KIF2C: variants seen among roughly 807,000 people sequenced by gnomAD.
The protein encoded by KIF2C is kinesin family member 2C.
KIF2C carries 34 observed loss-of-function variants against 97.4 expected under a neutral mutation model. The ratio of observed to expected loss-of-function variants is 0.35; its 90% CI spans 0.27 to 0.46. The LOEUF is 0.46. KIF2C is among the 20% of genes least tolerant of loss of function. The pLI is 1.00. For synonymous variants in KIF2C, 313 were observed against 318.2 expected (o/e 0.98, Z 0.17); for missense variants, 750 against 907.6 (o/e 0.83, Z 2.23).
chr1:44,741,020 A>C lies in KIF2C; in HGVS notation c.165+13A>C. ...AAAGGGCAAAGAGGTAGGTTCTATG[A>C]GAATTCCTCTACCACATTTAATGTC... On this transcript the variant is annotated intron_variant, in intron 2 of 20. Transcript: ENST00000372224. The C allele has an allele frequency of 6.3e-7, 1 of 1,583,176 alleles. No individual in the cohort carries two copies. Among genetic ancestry groups the C allele is most frequent in the Non-Finnish European group, 8.7e-7 (1 of 1,152,244 alleles).
At chr1:44,765,207 T>G (rs548984020) in intron 19 of KIF2C, among the ~76,000 whole-genome samples, 121 of 152,132 alleles carry the variant, frequency 8.0e-4, no homozygotes, top group African/African-American at 2.5e-3. Flanking sequence ...GAAGATCACT[T>G]GAGCTCAGGA....
intron 2 of KIF2C, among the ~76,000 whole-genome samples, chr1:44,744,086 T>TG (rs1041633103): frequency 7.6e-5 from 10 of 131,540 alleles, no homozygotes; most frequent in Admixed American, 7.8e-5. Context: ...TGGTTTTTTT[T>TG]TTTGTTTGTT....
At chr1:44,765,773 C>T (rs916386701) in intron 19 of KIF2C, among the ~76,000 whole-genome samples, 6 of 151,714 alleles carry the variant, frequency 4.0e-5, no homozygotes, top group Non-Finnish European at 8.8e-5. Context: ...ATCATTTGAC[C>T]GGGCGTGATG....
intron 2 of KIF2C, chr1:44,746,319 C>G: frequency 1.0e-6 from 1 of 985,664 alleles, no homozygotes; most frequent in Non-Finnish European, 1.2e-6. Context: ...TTGAGTTGTT[C>G]CTGGAGAATT....
chr1:44,752,941 C>T (rs1649604531), intron 5 of KIF2C, among the ~76,000 whole-genome samples, 191 bp from the exon 6 acceptor site: 1 of 152,184 alleles, frequency 6.6e-6, no homozygotes, highest in African/African-American at 2.4e-5. Context: ...TATTTTGACC[C>T]CAGGAGCCAG....
At chr1:44,765,027 G>A (rs746147821) in intron 19 of KIF2C, among the ~76,000 whole-genome samples, 34 of 152,152 alleles carry the variant, frequency 2.2e-4, no homozygotes, top group Non-Finnish European at 4.3e-4. Context: ...GGCTGAGGCA[G>A]GAGAATCACT....
chr1:44,760,388 T>A lies in KIF2C; in HGVS notation c.1476T>A (p.Asp492Glu). The A allele has an allele frequency of 6.2e-7, 1 of 1,614,242 alleles. No homozygotes were observed. The highest frequency in any genetic ancestry group is 8.5e-7 in the Non-Finnish European group (1 of 1,180,046). The change falls in exon 15 of 21, where the codon GAT becomes GAA. Residue 492 changes from aspartate (D) to glutamate (E), a missense_variant. Coordinates refer to ENST00000372224, the MANE Select transcript of KIF2C (RefSeq NM_006845.4). This position sits in a 1 kb window ranked among gnomAD's most constrained non-coding sequence, Gnocchi z 4.2. ...GRMHGKFSLV[D>E]LAGNERGADT... ...TGCATGGCAAGTTCTCTTTGGTAGATCTGGCAGGGAATGAGCGAGGCGCGG... is the reference window on the plus strand; with the variant it reads ...TGCATGGCAAGTTCTCTTTGGTAGAACTGGCAGGGAATGAGCGAGGCGCGG...
At position 44,767,464 on chromosome 1, in the gene KIF2C, A is replaced by T. The variant is rs964761493; in HGVS notation, c.*285A>T. Reference sequence around the variant, plus strand: ...ATCAAGGGGAATGTTCTCAGCATAGAGCTTTCTCCGCAGCATCCTGCCTGC... The same window carrying T: ...ATCAAGGGGAATGTTCTCAGCATAGTGCTTTCTCCGCAGCATCCTGCCTGC... On this transcript the variant is annotated 3_prime_UTR_variant, in exon 21 of 21. Transcript: ENST00000372224. The T allele has an allele frequency of 8.8e-6, 3 of 341,874 alleles. No individual in the cohort carries two copies. Among genetic ancestry groups the T allele is most frequent in the African/African-American group, 6.4e-5 (3 of 47,144 alleles). The allele number at this position is 341,874 out of a possible 1,614,324, so 21.2% of individuals were successfully genotyped here.
At position 44,767,372 on chromosome 1, in the gene KIF2C, T is replaced by G; in HGVS notation, c.*193T>G. ...AGTGACATGGGACACTCCTTTTCTG[T>G]TCCTCAGTTGTCGCCCTCACGAGAG... On this transcript the variant is annotated 3_prime_UTR_variant, in exon 21 of 21. Transcript: ENST00000372224. 1 of 531,264 alleles carries G rather than the reference T, an allele frequency of 1.9e-6. No individual in the cohort carries two copies. Among genetic ancestry groups the G allele is most frequent in the Non-Finnish European group, 3.4e-6 (1 of 291,736 alleles). 32.9% of individuals were successfully genotyped at this position (531,264 alleles called of 1,614,324 possible).
At chr1:44,742,797 G>C (rs1182946597) in intron 2 of KIF2C, among the ~76,000 whole-genome samples, 1 of 151,824 alleles carries the variant, frequency 6.6e-6, no homozygotes, top group Admixed American at 6.6e-5. Context: ...GGTTCTGCAT[G>C]CACACTACCT....
Position 44,748,707 on chromosome 1 carries a change from A to ATTTTTTT in KIF2C, c.316+1021_316+1027dup, listed in dbSNP as rs928683142. On this transcript the variant is annotated intron_variant, in intron 4 of 20. Coordinates refer to ENST00000372224, the MANE Select transcript of KIF2C (RefSeq NM_006845.4). Reference sequence around the variant, plus strand: ...AGGTGTGCCCCATCACACCTGGCTAATTTTTTTTTTTTTTTTTTTTGTAGA... The same window carrying ATTTTTTT: ...AGGTGTGCCCCATCACACCTGGCTAATTTTTTTTTTTTTTTTTTTTTTTTTTTGTAGA... 9.1e-3 allele frequency among the ~76,000 whole-genome samples: 1,116 copies of ATTTTTTT among 123,084 alleles called. 19 individuals carry two copies. The highest frequency in any genetic ancestry group is 0.035 in the African/African-American group (1,073 of 30,738). 80.7% of individuals were successfully genotyped at this position (123,084 alleles called of 152,430 possible). A position where few individuals can be genotyped will look rare whatever the true frequency, so the allele number is the denominator to read the frequency against.
chr1:44,761,481 G>GC (rs1650138539), intron 16 of KIF2C, among the ~76,000 whole-genome samples: 1 of 152,038 alleles, frequency 6.6e-6, no homozygotes, highest in Admixed American at 6.6e-5. Context: ...GGTGGCAGGT[G>GC]CCTGTAGTCC....
intron 5 of KIF2C, among the ~76,000 whole-genome samples, chr1:44,752,056 G>A (rs1246388969): frequency 2.0e-5 from 3 of 150,396 alleles, no homozygotes; most frequent in South Asian, 2.1e-4. Context: ...TCCTGACCTC[G>A]TGATCCACCC....
chr1:44,745,203 A>C (rs983173153), intron 2 of KIF2C, among the ~76,000 whole-genome samples: 1 of 151,758 alleles, frequency 6.6e-6, no homozygotes, highest in East Asian at 1.9e-4. Context: ...AAAAAAAAAA[A>C]ACCTCTGGTT....
chr1:44,762,602 A>T lies in KIF2C; in HGVS notation c.1915A>T (p.Thr639Ser), dbSNP rs141958001. 351 of 1,614,112 alleles carry T rather than the reference A, an allele frequency of 2.2e-4. 2 individuals carry two copies. In the African/African-American group the frequency reaches 4.2e-3, roughly 19 times the overall value. ...GATGTCCAGCTTTAACGAAGCCATG[A>T]CTCAGATCAGGGAGCTGGAGGAGAA... ...SQMSSFNEAM[T>S]QIRELEEKAM... is the part of the protein sequence containing the mutation. The change falls in exon 19 of 21, where the codon ACT becomes TCT. Residue 639 changes from threonine (T) to serine (S), a missense_variant. By Grantham distance (58) the Thr-to-Ser change is moderately conservative. Coordinates refer to ENST00000372224, the MANE Select transcript of KIF2C (RefSeq NM_006845.4).
intron 1 of KIF2C, 115 bp from the exon 2 acceptor site, chr1:44,740,798 T>TTTAAG: frequency 2.4e-6 from 1 of 424,348 alleles, no homozygotes; most frequent in Non-Finnish European, 4.4e-6. Flanking sequence ...TTTTTTTTTT[T>TTTAAG]TAAGGTAGCT....
Position 44,766,967 on chromosome 1 carries a change from G to A in KIF2C, c.2095+18G>A, listed in dbSNP as rs756115476. The A allele has an allele frequency of 1.2e-6, 2 of 1,613,894 alleles. No homozygotes were observed. Among genetic ancestry groups the A allele is most frequent in the Non-Finnish European group, 1.7e-6 (2 of 1,179,884 alleles). ...CCTGCGAGGTGGGTGTGGCTGGATGGGGTGCAGGTGGACGATGGTGGCCTC... is the reference window on the plus strand; with the variant it reads ...CCTGCGAGGTGGGTGTGGCTGGATGAGGTGCAGGTGGACGATGGTGGCCTC... On this transcript the variant is annotated intron_variant, in intron 20 of 20. Coordinates refer to ENST00000372224, the MANE Select transcript of KIF2C (RefSeq NM_006845.4).
At chr1:44,744,537 T>C (rs564609173) in intron 2 of KIF2C, among the ~76,000 whole-genome samples, 2 of 152,334 alleles carry the variant, frequency 1.3e-5, no homozygotes, top group African/African-American at 2.4e-5. Flanking sequence ...ACACTCTTAT[T>C]CCTTTCTCCT....
chr1:44,756,128 T>G lies in KIF2C; in HGVS notation c.868T>G (p.Leu290Val). 6.2e-7 allele frequency: 1 copy of G among 1,614,238 alleles called. No homozygotes were observed. Among genetic ancestry groups the G allele is most frequent in the Non-Finnish European group, 8.5e-7 (1 of 1,180,042 alleles). Residue 290 changes from leucine to valine, a missense_variant, in exon 10 of 21, where the codon TTG becomes GTG. By Grantham distance (32) the Leu-to-Val change is conservative (BLOSUM62 1). Coordinates refer to ENST00000372224, the MANE Select transcript of KIF2C (RefSeq NM_006845.4). ...TTCCATTCCTAGCAAGTGTCTCCTC[T>G]TGGTACATGAACCCAAGTTGAAAGT... ...VISIPSKCLLLVHEPKLKVDL... is the reference protein window; with the variant it reads ...VISIPSKCLLVVHEPKLKVDL...
Sources: gnomAD v4.1 joint callset for allele counts (sites outside exome capture counted in the v4.1 genomes callset) on GRCh38, gnomAD v4.1.1 for gene constraint, Gnocchi (gnomAD v3.1) non-coding constraint, MANE v1.5 for transcripts, NCBI Gene and HGNC (gene_info 2026-07-23, HGNC 2026-07-21) for gene names.